HLF: variants seen among roughly 807,000 people sequenced by gnomAD.
The protein encoded by HLF is hepatic leukemia factor.
In HLF, 3 loss-of-function variants were observed where a neutral mutation model predicts 22.6. The ratio of observed to expected loss-of-function variants is 0.13; its 90% confidence interval spans 0.06 to 0.34. The LOEUF is 0.34. Among genes scored for constraint, HLF ranks in the 10% least tolerant of loss-of-function variants. The probability of loss-of-function intolerance (pLI) is 1.00; values close to 1 mark genes in which losing one functional copy is unlikely to be tolerated. For missense variants in HLF, 299 were observed against 389.2 expected (o/e 0.77, Z 1.95); for synonymous variants, 151 against 151.8 (o/e 0.99, Z 0.04).
chr17:55,318,977 A>G (rs1905170067), intron 3 of HLF: 1 of 152,528 alleles, frequency 6.6e-6, no homozygotes, highest in South Asian at 2.1e-4. Flanking sequence ...GCCAACAACC[A>G]TTGCACACCT....
chr17:55,318,775 G>A (rs1905161727), intron 3 of HLF, among the ~76,000 whole-genome samples: 1 of 152,154 alleles, frequency 6.6e-6, no homozygotes, highest in East Asian at 1.9e-4. Flanking sequence ...TGAAGGGATT[G>A]GAACCCAGGC....
Position 55,321,731 on chromosome 17 carries a change from C to G in HLF, c.*852C>G, listed in dbSNP as rs1905269248. The stretch of plus-strand genomic sequence containing the variant: ...GTAAAGTAATGCATTTGAGCATGGC[C>G]AGACTATTCCCTAGGACAAGGAAGC... On this transcript the variant is annotated 3_prime_UTR_variant, in exon 4 of 4. Transcript: ENST00000226067. The G allele has an allele frequency of 4.3e-6, 1 of 230,222 alleles. No individual in the cohort carries two copies. The highest frequency in any genetic ancestry group is 2.2e-5 in the African/African-American group (1 of 45,158). The allele number at this position is 230,222 out of a possible 1,614,324, so 14.3% of individuals were successfully genotyped here.
intron 2 of HLF, among the ~76,000 whole-genome samples, chr17:55,305,590 C>T (rs879753661): frequency 1.3e-5 from 2 of 152,210 alleles, no homozygotes; most frequent in African/African-American, 4.8e-5. Flanking sequence ...AGTCTGCACT[C>T]CACCCAGCCT....
At position 55,265,332 on chromosome 17, in the gene HLF, A is replaced by G; in HGVS notation, c.-153A>G. 1 of 586,850 alleles carries G rather than the reference A, an allele frequency of 1.7e-6. No homozygotes were observed. Among genetic ancestry groups the G allele is most frequent in the Non-Finnish European group, 3.0e-6 (1 of 333,648 alleles). 36.4% of individuals were successfully genotyped at this position (586,850 alleles called of 1,614,324 possible). A position where few individuals can be genotyped will look rare whatever the true frequency, so the allele number is the denominator to read the frequency against. ...ATATTTTTATGCAGATGTATTTATA[A>G]AGATATAAGTAATTTTTTTCTTCCC... is the stretch of plus-strand genomic sequence containing the variant. On this transcript the variant is annotated 5_prime_UTR_variant, in exon 1 of 4. The change abolishes the stop of an existing upstream ORF in the 5' untranslated region. Transcript: ENST00000226067.
In HLF at chr17:55,321,653, A is replaced by C. The variant is rs1598412519; in HGVS notation, c.*774A>C. ...CATGCTGCCTGAGTATTACTAGTGGACGTAGGATATTTTCCCTACCTAAGA... is the reference window on the plus strand; with the variant it reads ...CATGCTGCCTGAGTATTACTAGTGGCCGTAGGATATTTTCCCTACCTAAGA... On this transcript the variant is annotated 3_prime_UTR_variant, in exon 4 of 4. Coordinates refer to ENST00000226067, the MANE Select transcript of HLF (RefSeq NM_002126.5). 12 of 228,382 alleles carry C rather than the reference A, an allele frequency of 5.3e-5. No individual in the cohort carries two copies. In the East Asian group the frequency reaches 7.6e-4, roughly 14 times the overall value. The allele number at this position is 228,382 out of a possible 1,614,324, so 14.1% of individuals were successfully genotyped here.
rs368130529 is a variant in HLF, at chr17:55,284,689, A to G, written c.451+16603A>G. On this transcript the variant is annotated intron_variant, in intron 2 of 3. Transcript: ENST00000226067. Reference sequence around the variant, plus strand: ...AACCAGAGGTGCCCTCTAGCCCTGTAAACTTCTGCATTCTCCAGCACAGTT... The same window carrying G: ...AACCAGAGGTGCCCTCTAGCCCTGTGAACTTCTGCATTCTCCAGCACAGTT... Among the ~76,000 whole-genome samples, 159 of 152,290 alleles carry G rather than the reference A, an allele frequency of 1.0e-3. 1 individual carries two copies. The highest frequency in any genetic ancestry group is 3.5e-3 in the African/African-American group (146 of 41,554).
chr17:55,315,347 A>G lies in HLF; in HGVS notation c.572A>G (p.Glu191Gly). 1.2e-6 allele frequency: 2 copies of G among 1,614,182 alleles called. No individual in the cohort carries two copies. Among genetic ancestry groups the G allele is most frequent in the Non-Finnish European group, 1.7e-6 (2 of 1,180,012 alleles). ...DLALSSIPGQ[E>G]MFDPRKRKFS... ...GCCCTTTCCAGCATCCCTGGCCAGGAAATGTTTGACCCTCGCAAACGCAAG... is the reference window on the plus strand; with the variant it reads ...GCCCTTTCCAGCATCCCTGGCCAGGGAATGTTTGACCCTCGCAAACGCAAG... The change falls in exon 3 of 4, where the codon GAA (glutamate) becomes GGA (glycine). Residue 191 changes from glutamate to glycine, a missense_variant. By Grantham distance (98) the Glu-to-Gly change is moderately conservative (BLOSUM62 -2). This residue lies in a region of HLF where 224 missense variants were observed against 298.1 expected (regional missense o/e 0.75). Coordinates refer to ENST00000226067, the MANE Select transcript of HLF (RefSeq NM_002126.5).
chr17:55,289,199 A>G (rs763993732), intron 2 of HLF, among the ~76,000 whole-genome samples: 3 of 152,192 alleles, frequency 2.0e-5, no homozygotes, highest in Non-Finnish European at 4.4e-5. Flanking sequence ...AAGGGGCACT[A>G]AAACAGACTT....
chr17:55,270,380 A>G (rs1002320941), intron 2 of HLF, among the ~76,000 whole-genome samples: 2 of 152,258 alleles, frequency 1.3e-5, no homozygotes, highest in Non-Finnish European at 2.9e-5. Flanking sequence ...TCTGCTGTTC[A>G]TAGATTGTTG....
At chr17:55,295,647 T>C (rs1011934215) in intron 2 of HLF, among the ~76,000 whole-genome samples, 2 of 152,212 alleles carry the variant, frequency 1.3e-5, no homozygotes, top group African/African-American at 4.8e-5. Flanking sequence ...AGAACATTAG[T>C]GTTAGTGGGA....
chr17:55,308,922 C>T (rs1465402237), intron 2 of HLF, among the ~76,000 whole-genome samples: 1 of 152,180 alleles, frequency 6.6e-6, no homozygotes, highest in East Asian at 1.9e-4. Flanking sequence ...CTGGCCTCTT[C>T]TTTCATTTTC....
chr17:55,282,852 T>G (rs1468162276), intron 2 of HLF, among the ~76,000 whole-genome samples: 1 of 152,176 alleles, frequency 6.6e-6, no homozygotes, highest in African/African-American at 2.4e-5. Flanking sequence ...TCTGACATTC[T>G]TCCACTCATA....
chr17:55,309,774 A>G (rs570805481), intron 2 of HLF, among the ~76,000 whole-genome samples: 2 of 152,352 alleles, frequency 1.3e-5, no homozygotes, highest in East Asian at 3.9e-4. Context: ...ACTGCTGCAA[A>G]TCTCCTGCTT....
At chr17:55,273,538 G>C (rs746210466) in intron 2 of HLF, 1 of 152,152 alleles carries the variant, frequency 6.6e-6, no homozygotes, top group Non-Finnish European at 1.5e-5. Flanking sequence ...CTTCTGGGTT[G>C]GGACGAATCG....
chr17:55,273,262 C>T (rs1741138602), intron 2 of HLF, among the ~76,000 whole-genome samples: 1 of 152,116 alleles, frequency 6.6e-6, no homozygotes, highest in South Asian at 2.1e-4. Flanking sequence ...TATAAATGGT[C>T]CCTCTCCCTT....
At chr17:55,285,831 G>T (rs2080998765) in intron 2 of HLF, among the ~76,000 whole-genome samples, 1 of 152,214 alleles carries the variant, frequency 6.6e-6, no homozygotes, top group African/African-American at 2.4e-5. Context: ...GAGAAGTGTT[G>T]TTTGCCTCTT....
At chr17:55,280,759 A>G (rs1461842799) in intron 2 of HLF, among the ~76,000 whole-genome samples, 1 of 152,202 alleles carries the variant, frequency 6.6e-6, no homozygotes, top group East Asian at 1.9e-4. Flanking sequence ...GAGTCTCTCA[A>G]ATACATAATT....
intron 2 of HLF, among the ~76,000 whole-genome samples, chr17:55,302,947 G>A (rs1172634212): frequency 1.3e-5 from 2 of 152,198 alleles, no homozygotes. Flanking sequence ...GTTAAAATGG[G>A]CCCATTTGGC....
At chr17:55,266,248 G>A (rs2080787721) in intron 1 of HLF, 1 of 152,292 alleles carries the variant, frequency 6.6e-6, no homozygotes, top group Non-Finnish European at 1.5e-5. Context: ...TTTTCTGGTG[G>A]GAGGGGAGAG....
Sources: allele counts gnomAD v4.1 joint callset (sites outside exome capture counted in the v4.1 genomes callset), GRCh38; gene constraint gnomAD v4.1.1; regional missense constraint gnomAD v4.1.1; transcripts MANE v1.5; gene names NCBI Gene and HGNC (gene_info 2026-07-23, HGNC 2026-07-21).